The following SGCZ variants were observed in gnomAD, a reference collection of about 807,000 sequenced individuals.
SGCZ encodes zeta-sarcoglycan.
In SGCZ, 40 loss-of-function variants were observed where a neutral mutation model predicts 41.3. That is an observed-to-expected ratio of 0.97 (90% CI 0.75 to 1.26). The LOEUF is 1.26. Ranked by LOEUF, SGCZ falls within the 50% of genes most tolerant of loss-of-function variation. The pLI, the probability that SGCZ is intolerant of heterozygous loss-of-function variation, is 0.00. For missense variants in SGCZ, 552 were observed against 369.8 expected, an observed-to-expected ratio of 1.49 and a Z score of -4.04; for synonymous variants, 206 against 137.5, an observed-to-expected ratio of 1.50 and a Z score of -3.49.
intron 1 of SGCZ, among the ~76,000 whole-genome samples, chr8:14,775,460 AGTGTGTGTGTGTGTGTGT>A (rs71739993): frequency 2.7e-5 from 4 of 149,318 alleles, no homozygotes; most frequent in African/African-American, 7.4e-5. Context: ...AGAATATTTG[AGTGTGTGTGTGTGTGTGT>A]GTGTGTGTGT....
intron 1 of SGCZ, among the ~76,000 whole-genome samples, chr8:15,161,548 T>C (rs1799512807): frequency 6.6e-6 from 1 of 152,226 alleles, no homozygotes; most frequent in Non-Finnish European, 1.5e-5. Flanking sequence ...CAGTAGGTGC[T>C]TAATGGGTCT....
At chr8:15,116,702 G>C (rs570658198) in intron 1 of SGCZ, among the ~76,000 whole-genome samples, 4 of 152,180 alleles carry the variant, frequency 2.6e-5, no homozygotes, top group Non-Finnish European at 5.9e-5. Context: ...TTACACCAAA[G>C]ACAGTGAAAA....
At chr8:14,572,530 T>C (rs1228916192) in intron 1 of SGCZ, among the ~76,000 whole-genome samples, 2 of 152,160 alleles carry the variant, frequency 1.3e-5, no homozygotes, top group Non-Finnish European at 2.9e-5. Flanking sequence ...ATCCCTTTTT[T>C]ATAAAGTAAG....
intron 3 of SGCZ, among the ~76,000 whole-genome samples, chr8:14,316,695 T>A (rs1801727699): frequency 6.6e-6 from 1 of 151,836 alleles, no homozygotes; most frequent in Admixed American, 6.6e-5. Context: ...GATTGGCTGT[T>A]TCACTTCTTC....
chr8:14,667,620 G>A (rs1807952482), intron 1 of SGCZ, among the ~76,000 whole-genome samples: 1 of 152,098 alleles, frequency 6.6e-6, no homozygotes, highest in South Asian at 2.1e-4. Flanking sequence ...TTTATGTGCT[G>A]TTTATACCAC....
intron 1 of SGCZ, among the ~76,000 whole-genome samples, chr8:15,014,535 C>T (rs1802953075): frequency 6.6e-6 from 1 of 152,176 alleles, no homozygotes; most frequent in South Asian, 2.1e-4. Flanking sequence ...TTCTGGTTGA[C>T]CTTAAGCACC....
chr8:14,435,536 G>C (rs945532262), intron 2 of SGCZ, among the ~76,000 whole-genome samples: 5 of 152,088 alleles, frequency 3.3e-5, no homozygotes, highest in African/African-American at 9.7e-5. Flanking sequence ...GAGATCAATG[G>C]AAATTTTTTC....
At chr8:14,365,848 A>T (rs74731551) in intron 2 of SGCZ, among the ~76,000 whole-genome samples, 1 of 152,140 alleles carries the variant, frequency 6.6e-6, no homozygotes, top group South Asian at 2.1e-4. Context: ...TTTTCTCTGT[A>T]TGATTATATT....
At chr8:14,125,490 A>G (rs1762546869) in intron 5 of SGCZ, among the ~76,000 whole-genome samples, 1 of 142,924 alleles carries the variant, frequency 7.0e-6, no homozygotes, top group African/African-American at 2.8e-5. Flanking sequence ...GGTGACAGAG[A>G]AAGATTCCGT....
intron 1 of SGCZ, among the ~76,000 whole-genome samples, chr8:14,863,328 T>C (rs183708638): frequency 6.2e-4 from 94 of 152,218 alleles, no homozygotes; most frequent in African/African-American, 2.2e-3. Flanking sequence ...ATTACTATTA[T>C]TATTACTATT....
intron 5 of SGCZ, among the ~76,000 whole-genome samples, chr8:14,134,421 G>T (rs73522460): frequency 3.3e-5 from 5 of 152,096 alleles, no homozygotes; most frequent in African/African-American, 1.2e-4. Flanking sequence ...AAAGATGACA[G>T]GTATGAATGA....
chr8:14,441,552 T>C lies in SGCZ; in HGVS notation c.234+113180A>G, dbSNP rs190554682. Among the ~76,000 whole-genome samples the C allele has an allele frequency of 1.2e-3, 188 of 152,292 alleles. No homozygotes were observed. The Middle Eastern group carries it at 0.014, about 11-fold the overall frequency. On this transcript the variant is annotated intron_variant, in intron 2 of 7. Coordinates refer to ENST00000382080, the MANE Select transcript of SGCZ (RefSeq NM_139167.4). ...ATCACGTCACTGCACTCCAGCCTGGTGATAGAGCAAGACCCCATCTCAAAA... is the reference window on the plus strand; with the variant it reads ...ATCACGTCACTGCACTCCAGCCTGGCGATAGAGCAAGACCCCATCTCAAAA...
At chr8:14,994,954 A>G (rs762871869) in intron 1 of SGCZ, among the ~76,000 whole-genome samples, 2 of 152,246 alleles carry the variant, frequency 1.3e-5, no homozygotes, top group Non-Finnish European at 2.9e-5. Flanking sequence ...TAATTTAACC[A>G]GAAAGCTTCC....
chr8:14,579,816 C>T (rs1467437739), intron 1 of SGCZ, among the ~76,000 whole-genome samples: 4 of 152,100 alleles, frequency 2.6e-5, no homozygotes, highest in Non-Finnish European at 4.4e-5. Context: ...TCTTGATTCC[C>T]TTTTGTGTAT....
intron 5 of SGCZ, among the ~76,000 whole-genome samples, chr8:14,144,818 A>C (rs1425431772): frequency 6.6e-6 from 1 of 152,088 alleles, no homozygotes; most frequent in Non-Finnish European, 1.5e-5. Flanking sequence ...CTTGGGCCTT[A>C]AGGGAATATC....
chr8:14,458,704 TCTAC>T (rs911427099), intron 2 of SGCZ, among the ~76,000 whole-genome samples: 58 of 152,236 alleles, frequency 3.8e-4, no homozygotes, highest in African/African-American at 1.3e-3. Context: ...TATCTATATA[TCTAC>T]CTACCTACCT....
At chr8:14,196,286 G>A (rs573126111) in intron 4 of SGCZ, among the ~76,000 whole-genome samples, 85 of 149,280 alleles carry the variant, frequency 5.7e-4, no homozygotes, top group African/African-American at 2.0e-3. Context: ...TTTTAAAGAC[G>A]GAGTTTCGCT....
At chr8:14,107,231 A>AAAT (rs1563130405) in intron 6 of SGCZ, among the ~76,000 whole-genome samples, 1 of 130,086 alleles carries the variant, frequency 7.7e-6, no homozygotes, top group African/African-American at 2.9e-5. Context: ...TAAAAATAAA[A>AAAT]AAATAAATAA....
intron 1 of SGCZ, among the ~76,000 whole-genome samples, chr8:15,062,357 T>C (rs1297012855): frequency 1.3e-5 from 2 of 152,160 alleles, no homozygotes; most frequent in Non-Finnish European, 2.9e-5. Context: ...ATATACTTTT[T>C]AAAATTAAAA....
Sources: gnomAD v4.1 joint callset for allele counts (sites outside exome capture counted in the v4.1 genomes callset) on GRCh38, gnomAD v4.1.1 for gene constraint, MANE v1.5 for transcripts, NCBI Gene and HGNC (gene_info 2026-07-23, HGNC 2026-07-21) for gene names.